Variants in NIPSNAP3B observed in about 807,000 individuals in gnomAD.
NIPSNAP3B encodes nipsnap homolog 3B, also known as protein NipSnap homolog 3B.
NIPSNAP3B carries 30 observed loss-of-function variants against 31.5 expected under a neutral mutation model. The ratio of observed to expected loss-of-function variants is 0.95; its 90% CI spans 0.71 to 1.29. NIPSNAP3B has a LOEUF of 1.29. Ranked by LOEUF, NIPSNAP3B falls within the 50% of genes most tolerant of loss-of-function variation. The probability of loss-of-function intolerance (pLI) is 0.00; values close to 1 mark genes in which losing one functional copy is unlikely to be tolerated. For missense variants in NIPSNAP3B, 269 were observed against 300.7 expected (o/e 0.89, Z 0.78); for synonymous variants, 106 against 107.9 (o/e 0.98, Z 0.11).
chr9:104,780,766 ATATT>A (rs1195561195), downstream of NIPSNAP3B, among the ~76,000 whole-genome samples: 1 of 152,232 alleles, frequency 6.6e-6, no homozygotes, highest in Non-Finnish European at 1.5e-5. Flanking sequence ...ATTAAGCAGA[ATATT>A]TATCTAAAAA....
In NIPSNAP3B at chr9:104,776,289, A is replaced by T. The variant is rs1480569320; in HGVS notation, c.*3216A>T. Reference sequence around the variant, plus strand: ...ACATGCATCTGCGTGGATCATTTCCATGCCTCCTCAGGTCTTTGCCCTCAT... The same window carrying T: ...ACATGCATCTGCGTGGATCATTTCCTTGCCTCCTCAGGTCTTTGCCCTCAT... On this transcript the variant is annotated 3_prime_UTR_variant, in exon 6 of 6. Coordinates refer to ENST00000374762, the MANE Select transcript of NIPSNAP3B (RefSeq NM_018376.4). Among the ~76,000 whole-genome samples the T allele has an allele frequency of 1.3e-5, 2 of 152,086 alleles. No individual in the cohort carries two copies. The highest frequency in any genetic ancestry group is 4.8e-5 in the African/African-American group (2 of 41,394).
intron 1 of NIPSNAP3B, 38 bp downstream of exon 1, chr9:104,764,338 G>A (rs62565988): frequency 0.13 from 190,096 of 1,507,944 alleles, 13,028 homozygotes; most frequent in Middle Eastern, 0.17. Context: ...CCTGGCCGGA[G>A]GGGAGGGGAG....
chr9:104,770,360 T>C (rs2472475), intron 3 of NIPSNAP3B, among the ~76,000 whole-genome samples: 115,898 of 151,990 alleles, frequency 0.76, 44,791 homozygotes, highest in Admixed American at 0.85. Context: ...GACATGACTT[T>C]GGGTCAACTA....
At chr9:104,781,874 C>T (rs1828567324), downstream of NIPSNAP3B, 3 of 152,246 alleles carry the variant, frequency 2.0e-5, no homozygotes, top group South Asian at 6.2e-4. Context: ...AAAATTTCTA[C>T]CACAATTAGG....
chr9:104,765,183 T>C (rs1828063983), intron 1 of NIPSNAP3B, among the ~76,000 whole-genome samples: 1 of 152,212 alleles, frequency 6.6e-6, no homozygotes, highest in Non-Finnish European at 1.5e-5. Flanking sequence ...ATACTGGAGA[T>C]GAATGAACTC....
At chr9:104,768,208 G>A (rs1258849682) in intron 2 of NIPSNAP3B, among the ~76,000 whole-genome samples, 1 of 151,892 alleles carries the variant, frequency 6.6e-6, no homozygotes, top group Admixed American at 6.6e-5. Flanking sequence ...TACCTGTTTG[G>A]GTAACTTAGA....
chr9:104,785,754 G>A, the NIPSNAP3B span: 3 of 1,273,232 alleles, frequency 2.4e-6, no homozygotes, highest in Non-Finnish European at 3.3e-6. Context: ...GGCAGGCCCA[G>A]AAATAAGTTT....
chr9:104,772,290 G>A (rs1828239819), intron 4 of NIPSNAP3B, among the ~76,000 whole-genome samples: 1 of 119,498 alleles, frequency 8.4e-6, no homozygotes. Flanking sequence ...ATTGTTTTTG[G>A]TGTCTTTGTC....
At chr9:104,779,889 G>T (rs943414104), downstream of NIPSNAP3B, among the ~76,000 whole-genome samples, 1 of 152,230 alleles carries the variant, frequency 6.6e-6, no homozygotes, top group East Asian at 1.9e-4. Context: ...AAATTAGCTG[G>T]TTGTGGTGGC....
At chr9:104,781,627 T>C (rs1449160148), downstream of NIPSNAP3B, 1 of 152,552 alleles carries the variant, frequency 6.6e-6, no homozygotes, top group Non-Finnish European at 1.5e-5. Flanking sequence ...TGAAATACAG[T>C]AGTGTGAGGT....
In NIPSNAP3B at chr9:104,764,477, G is replaced by A. The variant is rs1431978531; in HGVS notation, c.60+177G>A. On this transcript the variant is annotated intron_variant, in intron 1 of 5. Transcript: ENST00000374762. ...GCGCGCAAGGAGGAGGCTACAGGCC[G>A]GGGTCGTCTCGCTGGCAGTCGCTGT... is the stretch of plus-strand genomic sequence containing the variant. Among the ~76,000 whole-genome samples the A allele has an allele frequency of 2.0e-5, 3 of 152,366 alleles. No individual in the cohort carries two copies. In the East Asian group the frequency reaches 5.8e-4, roughly 29 times the overall value.
the NIPSNAP3B span, chr9:104,788,616 C>T: frequency 2.5e-6 from 4 of 1,605,552 alleles, 1 homozygote; most frequent in South Asian, 3.3e-5. Flanking sequence ...TAGAGATACT[C>T]TGGTTAGACA....
In NIPSNAP3B at chr9:104,775,019, C is replaced by G. The variant is rs1379409946; in HGVS notation, c.*1946C>G. 6.6e-6 allele frequency among the ~76,000 whole-genome samples: 1 copy of G among 152,024 alleles called. No individual in the cohort carries two copies. The highest frequency in any genetic ancestry group is 6.6e-5 in the Admixed American group (1 of 15,264). On this transcript the variant is annotated 3_prime_UTR_variant, in exon 6 of 6. Coordinates refer to ENST00000374762, the MANE Select transcript of NIPSNAP3B (RefSeq NM_018376.4). ...GCCAACCCCACATGCCCTGCCTTCTCTCCTTTCACTGTGGATGAACCGCCC... is the reference window on the plus strand; with the variant it reads ...GCCAACCCCACATGCCCTGCCTTCTGTCCTTTCACTGTGGATGAACCGCCC...
At position 104,773,300 on chromosome 9, in the gene NIPSNAP3B, G is replaced by A; in HGVS notation, c.*227G>A. 1 of 492,150 alleles carries A rather than the reference G, an allele frequency of 2.0e-6. No homozygotes were observed. The highest frequency in any genetic ancestry group is 3.6e-6 in the Non-Finnish European group (1 of 278,974). 30.5% of individuals were successfully genotyped at this position (492,150 alleles called of 1,614,324 possible). On this transcript the variant is annotated 3_prime_UTR_variant, in exon 6 of 6. Transcript: ENST00000374762. ...TTTCAGTATCTGTTACACATTAGAAGTAGTTGTCACTATTTCATCATCTTG... is the reference window on the plus strand; with the variant it reads ...TTTCAGTATCTGTTACACATTAGAAATAGTTGTCACTATTTCATCATCTTG...
chr9:104,772,164 CATTCTGG>C (rs1828234511), intron 4 of NIPSNAP3B, among the ~76,000 whole-genome samples: 1 of 149,724 alleles, frequency 6.7e-6, no homozygotes, highest in South Asian at 2.1e-4. Context: ...AATTTTCTCC[CATTCTGG>C]AGGTTGTCTG....
chr9:104,778,421 G>A (rs1367779482), downstream of NIPSNAP3B, among the ~76,000 whole-genome samples: 1 of 151,976 alleles, frequency 6.6e-6, no homozygotes, highest in Non-Finnish European at 1.5e-5. Context: ...ATTAGAGATG[G>A]GGTTTCACCA....
At chr9:104,789,598 A>G in the NIPSNAP3B span, among the ~76,000 whole-genome samples, 4 of 152,214 alleles carry the variant, frequency 2.6e-5, no homozygotes, top group South Asian at 6.2e-4. Flanking sequence ...CACTTTTTTA[A>G]TGACGCAGTA....
In NIPSNAP3B at chr9:104,768,874, C is replaced by T. The variant is rs1420887357; in HGVS notation, c.283C>T (p.His95Tyr). 4 of 1,599,818 alleles carry T rather than the reference C, an allele frequency of 2.5e-6. No individual in the cohort carries two copies. Among genetic ancestry groups the T allele is most frequent in the South Asian group, 1.1e-5 (1 of 88,892 alleles). Residue 95 changes from histidine (H) to tyrosine (Y), a missense_variant, in exon 3 of 6, where the codon CAT becomes TAT. His to Tyr is a moderately conservative substitution (Grantham distance 83). Coordinates refer to ENST00000374762, the MANE Select transcript of NIPSNAP3B (RefSeq NM_018376.4). ...TTTTCCTCCCATAGATAATTTTGCT[C>T]ATCGAGCTGAAGTTCGGAAAGCCTT... ...FHIWKYDNFA[H>Y]RAEVRKALAN...
Position 104,769,034 on chromosome 9 carries a change from C to T in NIPSNAP3B, c.430+13C>T, listed in dbSNP as rs376107920. 335 of 1,601,294 alleles carry T rather than the reference C, an allele frequency of 2.1e-4. No homozygotes were observed. The highest frequency in any genetic ancestry group is 2.8e-4 in the Non-Finnish European group (324 of 1,174,332). On this transcript the variant is annotated intron_variant, in intron 3 of 5. Coordinates refer to ENST00000374762, the MANE Select transcript of NIPSNAP3B (RefSeq NM_018376.4). ...CCTCCAAAAGAAGGTGAGTTCTTCC[C>T]TCTTAGACTATGAGTTTTAATGAGT... is the stretch of plus-strand genomic sequence containing the variant.
Sources: gnomAD v4.1 joint callset for allele counts (sites outside exome capture counted in the v4.1 genomes callset) on GRCh38, gnomAD v4.1.1 for gene constraint, MANE v1.5 for transcripts, NCBI Gene and HGNC (gene_info 2026-07-23, HGNC 2026-07-21) for gene names.